The following SOX5 variants were observed in gnomAD, a reference collection of about 807,000 sequenced individuals.
SOX5 encodes transcription factor SOX-5.
A neutral mutation model predicts 92.0 loss-of-function variants in SOX5; 9 were observed. That is an observed-to-expected ratio of 0.10 (90% confidence interval 0.06 to 0.17). The LOEUF (loss-of-function observed/expected upper bound fraction) is 0.17. SOX5 is among the 10% of genes least tolerant of loss of function. The pLI is 1.00. For missense variants in SOX5, 642 were observed against 944.5 expected (o/e 0.68, Z 4.20); for synonymous variants, 344 against 336.3 (o/e 1.02, Z -0.25).
Position 23,846,190 on chromosome 12 carries a change from C to G in SOX5, c.274G>C (p.Val92Leu). The part of the protein sequence containing the change: ...TPTSQHNTME[V>L]DGNKVMSSFA... ...GAAGACATAACTTTATTGCCATCAACTTCCTGAAAGAGAAAGCAAAATGAC... is the reference window on the plus strand; with the variant it reads ...GAAGACATAACTTTATTGCCATCAAGTTCCTGAAAGAGAAAGCAAAATGAC... The change falls in exon 3 of 15, where the codon GTT becomes CTT. Residue 92 changes from valine to leucine, a missense_variant. Val to Leu is a conservative substitution (Grantham distance 32). Around this residue, in one of 8 missense-constraint regions of SOX5, gnomAD observed 113 missense variants for 117.7 expected, o/e 0.96. Coordinates refer to ENST00000451604, the MANE Select transcript of SOX5 (RefSeq NM_006940.6). 6.2e-7 allele frequency: 1 copy of G among 1,612,850 alleles called. No homozygotes were observed. The highest frequency in any genetic ancestry group is 1.3e-5 in the African/African-American group (1 of 74,990).
intron 2 of SOX5, among the ~76,000 whole-genome samples, chr12:23,865,747 G>C (rs1273844880): frequency 6.6e-6 from 1 of 152,134 alleles, no homozygotes; most frequent in Non-Finnish European, 1.5e-5. Context: ...ATGTATCTTG[G>C]CAAAGTAAAT....
chr12:23,861,617 A>G (rs908957412), intron 2 of SOX5, among the ~76,000 whole-genome samples: 1 of 152,150 alleles, frequency 6.6e-6, no homozygotes, highest in Non-Finnish European at 1.5e-5. Context: ...GATTGATAAT[A>G]AAAGTATTTA....
intron 13 of SOX5, among the ~76,000 whole-genome samples, chr12:23,539,404 CTTATAG>C (rs760680038): frequency 5.1e-4 from 78 of 151,740 alleles, no homozygotes; most frequent in Non-Finnish European, 9.3e-4. Context: ...TATTATTTTC[CTTATAG>C]TTGTAGAAAG....
intron 4 of SOX5, among the ~76,000 whole-genome samples, chr12:24,031,952 T>C (rs988304531): frequency 6.6e-6 from 1 of 151,894 alleles, no homozygotes; most frequent in Non-Finnish European, 1.5e-5. Context: ...AAATAGATGT[T>C]TTACAAGGAT....
At chr12:24,120,575 TTGTTA>T (rs1565476538) in intron 4 of SOX5, among the ~76,000 whole-genome samples, 14 of 152,274 alleles carry the variant, frequency 9.2e-5, no homozygotes, top group Middle Eastern at 3.4e-3. Context: ...ATGGAGGAGA[TTGTTA>T]CAAACTATGA....
At chr12:23,742,671 C>T (rs540764180) in intron 4 of SOX5, among the ~76,000 whole-genome samples, 61 of 152,218 alleles carry the variant, frequency 4.0e-4, no homozygotes, top group Non-Finnish European at 1.9e-4. Context: ...ATGCGCATAA[C>T]CTACGAAGGA....
chr12:23,997,200 G>GCAGTTTCCACCCACCTTATTCAC (rs1458037010), intron 4 of SOX5, among the ~76,000 whole-genome samples: 1 of 152,138 alleles, frequency 6.6e-6, no homozygotes, highest in Non-Finnish European at 1.5e-5. Flanking sequence ...GCATCCTTGA[G>GCAGTTTCCACCCACCTTATTCAC]CAGTTTCCAC....
At chr12:23,760,484 C>T (rs543932848) in intron 3 of SOX5, among the ~76,000 whole-genome samples, 5 of 152,186 alleles carry the variant, frequency 3.3e-5, no homozygotes, top group South Asian at 2.1e-4. Context: ...CTAATTGGCT[C>T]GCTATTGTTT....
chr12:24,557,686 A>C (rs1370259795), intron 1 of SOX5, among the ~76,000 whole-genome samples: 1 of 152,220 alleles, frequency 6.6e-6, no homozygotes, highest in African/African-American at 2.4e-5. Flanking sequence ...AGCTATGTAC[A>C]TAGGATATCA....
At position 23,896,005 on chromosome 12, in the gene SOX5, C is replaced by A. The variant is rs746451995; in HGVS notation, c.58G>T (p.Ala20Ser). 1.2e-6 allele frequency: 2 copies of A among 1,613,600 alleles called. No individual in the cohort carries two copies. The highest frequency in any genetic ancestry group is 1.7e-6 in the Non-Finnish European group (2 of 1,179,570). ...EFERMSSKRPASPYGEADGEV... is the reference protein window; with the variant it reads ...EFERMSSKRPSSPYGEADGEV... ...CCATCTGCTTCCCCATACGGAGAGG[C>A]TGGTCGCTTGGAAGACATCCTGGAA... The change falls in exon 2 of 15, where the codon GCC (alanine) becomes TCC (serine). Residue 20 changes from alanine (A) to serine (S), a missense_variant. Transcript: ENST00000451604.
chr12:23,677,465 A>G (rs2085891282), intron 6 of SOX5, among the ~76,000 whole-genome samples: 1 of 152,214 alleles, frequency 6.6e-6, no homozygotes, highest in South Asian at 2.1e-4. Context: ...TTGCTACCTC[A>G]GTTACCAGGA....
At chr12:24,077,781 A>AT in intron 4 of SOX5, among the ~76,000 whole-genome samples, 1 of 126,010 alleles carries the variant, frequency 7.9e-6, no homozygotes, top group Non-Finnish European at 1.7e-5. Flanking sequence ...TCATATATAT[A>AT]TATATATATA....
At chr12:23,616,968 A>C (rs1406479675) in intron 8 of SOX5, among the ~76,000 whole-genome samples, 2 of 152,012 alleles carry the variant, frequency 1.3e-5, no homozygotes, top group Admixed American at 6.6e-5. Context: ...AAAACTTAAA[A>C]ATAAAATAAA....
intron 4 of SOX5, among the ~76,000 whole-genome samples, chr12:23,964,840 A>C (rs1476059474): frequency 6.6e-6 from 1 of 152,228 alleles, no homozygotes; most frequent in African/African-American, 2.4e-5. Flanking sequence ...TATTTTCATT[A>C]ATTTATGGCC....
At chr12:24,541,178 A>G (rs1287283490) in intron 1 of SOX5, among the ~76,000 whole-genome samples, 1 of 152,196 alleles carries the variant, frequency 6.6e-6, no homozygotes, top group Non-Finnish European at 1.5e-5. Flanking sequence ...TTTTTCACAC[A>G]TTATTGTATC....
chr12:24,176,867 CA>C (rs71059989), intron 4 of SOX5, among the ~76,000 whole-genome samples: 4,922 of 152,220 alleles, frequency 0.032, 96 homozygotes, highest in Middle Eastern at 0.058. Context: ...TATAGACAAA[CA>C]GCTTATTTCT....
At position 24,374,792 on chromosome 12, in the gene SOX5, A is replaced by G. The variant is rs1324209798; in HGVS notation, c.-250-6153T>C. 5.9e-5 allele frequency among the ~76,000 whole-genome samples: 9 copies of G among 152,286 alleles called. No individual in the cohort carries two copies. In the East Asian group the frequency reaches 1.7e-3, roughly 29 times the overall value. The stretch of plus-strand genomic sequence containing the variant: ...AATAAATGTGACAGCCCACACTCCC[A>G]GCCCTAGCCACAGTGATACAGCCTC... On this transcript the variant is annotated intron_variant, in intron 1 of 4. Coordinates refer to the SOX5 transcript ENST00000446891.
At chr12:24,173,833 G>A (rs901208494) in intron 4 of SOX5, among the ~76,000 whole-genome samples, 2 of 152,058 alleles carry the variant, frequency 1.3e-5, no homozygotes, top group African/African-American at 4.8e-5. Context: ...AAGTTATCCC[G>A]GATATTCATC....
chr12:24,273,425 T>C (rs1162204252), intron 3 of SOX5, among the ~76,000 whole-genome samples: 1 of 152,242 alleles, frequency 6.6e-6, no homozygotes, highest in Non-Finnish European at 1.5e-5. Flanking sequence ...TTTGGCATTA[T>C]ATTTTTCTAG....
Sources: gnomAD v4.1 joint callset for allele counts (sites outside exome capture counted in the v4.1 genomes callset) on GRCh38, gnomAD v4.1.1 for gene constraint, gnomAD v4.1.1 regional missense constraint, MANE v1.5 for transcripts, NCBI Gene and HGNC (gene_info 2026-07-23, HGNC 2026-07-21) for gene names.